The following MAML3 variants were observed in gnomAD, a reference collection of about 807,000 sequenced individuals.
The protein encoded by MAML3 is mastermind like transcriptional coactivator 3.
In MAML3, 27 loss-of-function variants were observed where a neutral mutation model predicts 101.9. The observed-to-expected ratio is 0.27, with a 90% CI of 0.20 to 0.37. The LOEUF (loss-of-function observed/expected upper bound fraction) is 0.37, where lower values mean the gene tolerates loss of function less well. MAML3 is among the 10% of genes least tolerant of loss of function. The pLI is 1.00. For synonymous variants in MAML3, 501 were observed against 555.9 expected (o/e 0.90, Z 1.39); for missense variants, 1,316 against 1,444.9 (o/e 0.91, Z 1.45).
intron 1 of MAML3, among the ~76,000 whole-genome samples, chr4:140,027,527 T>C (rs1421131057): frequency 2.6e-5 from 4 of 152,234 alleles, no homozygotes; most frequent in Non-Finnish European, 4.4e-5. Context: ...ATTCTGTTCT[T>C]GAGCAGGGTA....
intron 1 of MAML3, among the ~76,000 whole-genome samples, chr4:140,046,097 A>G (rs1217885080): frequency 6.6e-6 from 1 of 152,244 alleles, no homozygotes; most frequent in Admixed American, 6.5e-5. Flanking sequence ...ATTTCTAATT[A>G]TCTTTCAGGC....
chr4:139,997,763 T>A (rs960852353), intron 1 of MAML3, among the ~76,000 whole-genome samples: 1 of 152,008 alleles, frequency 6.6e-6, no homozygotes, highest in Non-Finnish European at 1.5e-5. Context: ...GTTTTTTTTT[T>A]AAATTCGGGA....
chr4:139,719,939 C>T lies in MAML3; in HGVS notation c.2801G>A (p.Gly934Glu), dbSNP rs1728162186. The change falls in exon 5 of 5, where the codon GGG becomes GAG. Residue 934 changes from glycine (G) to glutamate (E), a missense_variant. Coordinates refer to ENST00000509479, the MANE Select transcript of MAML3 (RefSeq NM_018717.5). Reference protein sequence around the residue: ...AITQQHPQMKGPVGQALPRPQ... With the variant: ...AITQQHPQMKEPVGQALPRPQ... ...CCTAGGCAAGGCCTGGCCTACTGGCCCTTTCATCTGTGGATGTTGCTGGGT... is the reference window on the plus strand; with the variant it reads ...CCTAGGCAAGGCCTGGCCTACTGGCTCTTTCATCTGTGGATGTTGCTGGGT... 2 of 1,614,074 alleles carry T rather than the reference C, an allele frequency of 1.2e-6. No individual in the cohort carries two copies. The highest frequency in any genetic ancestry group is 1.7e-6 in the Non-Finnish European group (2 of 1,179,912).
chr4:139,985,936 T>G (rs1452307688), intron 1 of MAML3, among the ~76,000 whole-genome samples: 8 of 152,268 alleles, frequency 5.3e-5, no homozygotes, highest in African/African-American at 1.9e-4. Flanking sequence ...CCAGATCTCT[T>G]TGCTGTCTCT....
At position 139,889,919 on chromosome 4, in the gene MAML3, TGC is replaced by T. The variant is rs747893596; in HGVS notation, c.1515_1516del (p.Gln506AlafsTer20). On this transcript the variant is annotated frameshift_variant, in exon 2 of 5. Transcript: ENST00000509479. LOFTEE classifies it high-confidence loss of function. ...CTGATTTGAGTGCTGTTGCTGCTGC[TGC>T]TGCTGCTGCTGCTGCTGCTGCTGCT... 3.4e-6 allele frequency: 2 copies of T among 587,550 alleles called. No individual in the cohort carries two copies. The highest frequency in any genetic ancestry group is 3.4e-5 in the Admixed American group (1 of 29,126). 36.4% of individuals were successfully genotyped at this position (587,550 alleles called of 1,614,324 possible). A position where few individuals can be genotyped will look rare whatever the true frequency, so the allele number is the denominator to read the frequency against.
At chr4:139,925,135 G>T (rs563283368) in intron 1 of MAML3, among the ~76,000 whole-genome samples, 2 of 152,116 alleles carry the variant, frequency 1.3e-5, no homozygotes, top group Admixed American at 6.5e-5. Flanking sequence ...ATTTAGAGAG[G>T]TTCCTTTTTC....
chr4:139,829,880 T>A lies in MAML3; in HGVS notation c.2079+59477A>T, dbSNP rs886352237. On this transcript the variant is annotated intron_variant, in intron 2 of 4. Transcript: ENST00000509479. The stretch of plus-strand genomic sequence containing the variant: ...GGGAATATAACTTTTTAAAAAAATA[T>A]CAGTTATTATCAGCATGTCAGAAAG... Among the ~76,000 whole-genome samples, 9 of 152,156 alleles carry A rather than the reference T, an allele frequency of 5.9e-5. 1 individual carries two copies. The highest frequency in any genetic ancestry group is 2.2e-4 in the African/African-American group (9 of 41,424).
At position 140,044,360 on chromosome 4, in the gene MAML3, T is replaced by C. The variant is rs1015316364; in HGVS notation, c.468+108500A>G. 5.1e-4 allele frequency among the ~76,000 whole-genome samples: 78 copies of C among 152,346 alleles called. No homozygotes were observed. The Middle Eastern group carries it at 0.017, about 33-fold the overall frequency. ...AATGGCGATGCTTCAACATGGGGAA[T>C]GAAAATTGTTTTGTATTATTGTGGA... is the stretch of plus-strand genomic sequence containing the variant. On this transcript the variant is annotated intron_variant, in intron 1 of 4. Coordinates refer to ENST00000509479, the MANE Select transcript of MAML3 (RefSeq NM_018717.5).
chr4:139,786,043 A>G (rs1730298854), intron 2 of MAML3, among the ~76,000 whole-genome samples: 1 of 152,082 alleles, frequency 6.6e-6, no homozygotes, highest in Non-Finnish European at 1.5e-5. Context: ...AATTAAGTGA[A>G]GTCATTAGGG....
At chr4:140,133,878 C>T (rs1050808298) in intron 1 of MAML3, among the ~76,000 whole-genome samples, 1 of 152,150 alleles carries the variant, frequency 6.6e-6, no homozygotes. Context: ...TGTATGTATA[C>T]AGATATTTAC....
At chr4:139,985,534 T>G (rs970299490) in intron 1 of MAML3, among the ~76,000 whole-genome samples, 6 of 152,226 alleles carry the variant, frequency 3.9e-5, no homozygotes, top group Non-Finnish European at 5.9e-5. Context: ...CTAAAATAGA[T>G]TGTAAGCAAC....
At chr4:139,727,809 T>C (rs1728537722) in intron 3 of MAML3, among the ~76,000 whole-genome samples, 1 of 152,232 alleles carries the variant, frequency 6.6e-6, no homozygotes, top group African/African-American at 2.4e-5. Flanking sequence ...TTCCCTCACA[T>C]GTCCTTTCAG....
At chr4:139,808,985 G>A (rs749152533) in intron 2 of MAML3, among the ~76,000 whole-genome samples, 4 of 152,036 alleles carry the variant, frequency 2.6e-5, no homozygotes, top group Admixed American at 6.6e-5. Context: ...AAAGAATGTC[G>A]GTGTGTGACT....
At chr4:139,897,294 G>A (rs974646952) in intron 1 of MAML3, among the ~76,000 whole-genome samples, 1 of 152,178 alleles carries the variant, frequency 6.6e-6, no homozygotes, top group Non-Finnish European at 1.5e-5. Context: ...GTTAAGCAGT[G>A]TGTCTGAAAT....
chr4:139,765,276 G>A (rs1409596871), intron 2 of MAML3, among the ~76,000 whole-genome samples: 1 of 152,226 alleles, frequency 6.6e-6, no homozygotes, highest in African/African-American at 2.4e-5. Context: ...GTCTAAAACT[G>A]GAAGGGAATA....
At position 140,072,397 on chromosome 4, in the gene MAML3, G is replaced by A. The variant is rs146560196; in HGVS notation, c.468+80463C>T. Among the ~76,000 whole-genome samples, 313 of 152,126 alleles carry A rather than the reference G, an allele frequency of 2.1e-3. 2 individuals are homozygous for A. The highest frequency in any genetic ancestry group is 6.5e-3 in the African/African-American group (270 of 41,510). ...ATAACTTAAAGTATACAGGCCAGGC[G>A]TGGTGGCTCATGCCTGTAATCCCAG... On this transcript the variant is annotated intron_variant, in intron 1 of 4. Coordinates refer to ENST00000509479, the MANE Select transcript of MAML3 (RefSeq NM_018717.5).
chr4:139,722,777 T>C (rs1044059673), intron 4 of MAML3, among the ~76,000 whole-genome samples: 2 of 152,252 alleles, frequency 1.3e-5, no homozygotes, highest in Non-Finnish European at 2.9e-5. Context: ...ATGCAAGTTA[T>C]ACCTAACAAA....
At chr4:139,781,652 T>C (rs930336515) in intron 2 of MAML3, among the ~76,000 whole-genome samples, 1 of 152,104 alleles carries the variant, frequency 6.6e-6, no homozygotes, top group Non-Finnish European at 1.5e-5. Context: ...GGGGAGAATG[T>C]GGTAAAACAC....
intron 1 of MAML3, among the ~76,000 whole-genome samples, chr4:139,998,616 T>C (rs914229539): frequency 1.3e-5 from 2 of 152,226 alleles, no homozygotes; most frequent in African/African-American, 4.8e-5. Context: ...TATTCCTAAG[T>C]ATGGGTTACA....
Sources: allele counts gnomAD v4.1 joint callset (sites outside exome capture counted in the v4.1 genomes callset), GRCh38; gene constraint gnomAD v4.1.1; transcripts MANE v1.5; gene names NCBI Gene and HGNC (gene_info 2026-07-23, HGNC 2026-07-21).